EBNA1BP2: variants seen among roughly 807,000 people sequenced by gnomAD.
EBNA1BP2 encodes EBNA1 binding protein 2, also known as probable rRNA-processing protein EBP2.
A neutral mutation model predicts 43.5 loss-of-function variants in EBNA1BP2; 36 were observed. The ratio of observed to expected loss-of-function variants is 0.83; its 90% confidence interval spans 0.63 to 1.09. The LOEUF (loss-of-function observed/expected upper bound fraction) is 1.09. Ranked by LOEUF, EBNA1BP2 falls within the 50% of genes least tolerant of loss-of-function variation. The pLI, the probability that EBNA1BP2 is intolerant of heterozygous loss-of-function variation, is 0.00. For synonymous variants in EBNA1BP2, 127 were observed against 141.3 expected (o/e 0.90, Z 0.72); for missense variants, 332 against 379.1 (o/e 0.88, Z 1.03).
At position 43,164,805 on chromosome 1, in the gene EBNA1BP2, C is replaced by T. The variant is rs776100286; in HGVS notation, c.708G>A (p.Gly236=). ...AGAKGQQMRK[G]PSAKRRYKNQ... is the part of the protein sequence containing the mutation. ...TTTTATACCGTCGTTTAGCACTGGG[C>T]CTGGAAAAGAATGGTCCTAGACATC... The change falls in exon 8 of 9, where the codon GGG becomes GGA. Residue 236 remains glycine, a splice_region_variant and synonymous_variant. Transcript: ENST00000236051. The T allele has an allele frequency of 4.3e-6, 7 of 1,614,002 alleles. No homozygotes were observed. Among genetic ancestry groups the T allele is most frequent in the Non-Finnish European group, 5.1e-6 (6 of 1,179,920 alleles).
Position 43,164,228 on chromosome 1 carries a change from C to A in EBNA1BP2, c.*215G>T. Reference sequence around the variant, plus strand: ...TCATAAAATGAAGGCAATTTGAACTCAATGTCTAAATTATCAATAGATAGC... The same window carrying A: ...TCATAAAATGAAGGCAATTTGAACTAAATGTCTAAATTATCAATAGATAGC... On this transcript the variant is annotated 3_prime_UTR_variant, in exon 9 of 9. Coordinates refer to ENST00000236051, the MANE Select transcript of EBNA1BP2 (RefSeq NM_006824.3). 1 of 581,612 alleles carries A rather than the reference C, an allele frequency of 1.7e-6. No homozygotes were observed. The highest frequency in any genetic ancestry group is 2.2e-5 in the South Asian group (1 of 45,302). The allele number at this position is 581,612 out of a possible 1,614,324, so 36.0% of individuals were successfully genotyped here.
At position 43,172,103 on chromosome 1, in the gene EBNA1BP2, G is replaced by C. The variant is rs1222531187; in HGVS notation, c.16C>G (p.Leu6Val). Reference protein sequence around the residue: MDTPPLSDSESESDES... With the variant: MDTPPVSDSESESDES... ...TCGGATTCCGACTCCGAATCCGAGAGCGGGGGAGTGTCCATCTCGCCGCAC... is the reference window on the plus strand; with the variant it reads ...TCGGATTCCGACTCCGAATCCGAGACCGGGGGAGTGTCCATCTCGCCGCAC... Residue 6 changes from leucine (L) to valine (V), a missense_variant, in exon 1 of 9, where the codon CTC becomes GTC. Transcript: ENST00000236051. 3 of 1,614,050 alleles carry C rather than the reference G, an allele frequency of 1.9e-6. No homozygotes were observed. The highest frequency in any genetic ancestry group is 2.7e-5 in the African/African-American group (2 of 74,932).
chr1:43,168,880 G>A (rs1644935148), intron 5 of EBNA1BP2, 59 bp downstream of exon 5: 1 of 1,553,812 alleles, frequency 6.4e-7, no homozygotes, highest in Non-Finnish European at 8.9e-7. Flanking sequence ...TCAGACCACG[G>A]CAATCTCATC....
intron 2 of EBNA1BP2, 53 bp from the exon 3 acceptor site, chr1:43,171,704 C>T: frequency 6.3e-7 from 1 of 1,598,004 alleles, no homozygotes; most frequent in Non-Finnish European, 8.5e-7. Flanking sequence ...GTTTGTCTTT[C>T]CCAAGCACAG....
At chr1:43,164,885 C>T (rs1239132448) in intron 7 of EBNA1BP2, 80 bp from the exon 8 acceptor site, 4 of 1,554,360 alleles carry the variant, frequency 2.6e-6, no homozygotes, top group East Asian at 4.5e-5. Context: ...CTCTCAGTTT[C>T]CTTTCTATAA....
upstream of EBNA1BP2, chr1:43,172,393 A>C: frequency 6.4e-7 from 1 of 1,551,482 alleles, no homozygotes; most frequent in Non-Finnish European, 8.7e-7. Context: ...GTTGCTTAGG[A>C]TCCCTACAGG....
rs146248095 is a variant in EBNA1BP2 at position 43,171,945 on chromosome 1, G to A, written c.91C>T (p.Leu31Phe). 1.2e-6 allele frequency: 2 copies of A among 1,614,176 alleles called. No homozygotes were observed. Among genetic ancestry groups the A allele is most frequent in the East Asian group, 2.2e-5 (1 of 44,868 alleles). Residue 31 changes from leucine to phenylalanine, a missense_variant, in exon 2 of 9, where the codon CTT becomes TTT. Leu to Phe is a conservative substitution (Grantham distance 22, BLOSUM62 0). Coordinates refer to ENST00000236051, the MANE Select transcript of EBNA1BP2 (RefSeq NM_006824.3). ...ACGACATTGAGGCCTGGCTTCAGAA[G>A]CCCTCGGGAAAACGCATCCTGCAAC... ...RELQDAFSRG[L>F]LKPGLNVVLE...
At chr1:43,168,141 C>T (rs556179415) in intron 5 of EBNA1BP2, among the ~76,000 whole-genome samples, 7 of 152,268 alleles carry the variant, frequency 4.6e-5, no homozygotes, top group Admixed American at 2.0e-4. Context: ...ATAATAAATC[C>T]GCAGCAGGCC....
In EBNA1BP2 at chr1:43,171,583, T is replaced by A; in HGVS notation, c.219A>T (p.Thr73=). ...DLEWVERLDV[T]LGPVPEIGGS... The stretch of plus-strand genomic sequence containing the variant: ...CACCGATCTCCGGTACCGGACCCAG[T>A]GTCACATCGAGCCTTTCAACCCATT... The change falls in exon 3 of 9, where the codon ACA becomes ACT. Residue 73 remains threonine, a synonymous_variant. Coordinates refer to ENST00000236051, the MANE Select transcript of EBNA1BP2 (RefSeq NM_006824.3). 6.2e-7 allele frequency: 1 copy of A among 1,614,212 alleles called. No individual in the cohort carries two copies. Among genetic ancestry groups the A allele is most frequent in the Non-Finnish European group, 8.5e-7 (1 of 1,180,032 alleles).
At position 43,171,603 on chromosome 1, in the gene EBNA1BP2, C is replaced by T. The variant is rs1644972918; in HGVS notation, c.199G>A (p.Val67Ile). The T allele has an allele frequency of 6.2e-7, 1 of 1,614,196 alleles. No homozygotes were observed. The highest frequency in any genetic ancestry group is 8.5e-7 in the Non-Finnish European group (1 of 1,180,044). ...CCCAGTGTCACATCGAGCCTTTCAA[C>T]CCATTCCAGATCCCGCTTGAATTCT... ...LAEFKRDLEWVERLDVTLGPV... is the reference protein window; with the variant it reads ...LAEFKRDLEWIERLDVTLGPV... Residue 67 changes from valine (V) to isoleucine (I), a missense_variant, in exon 3 of 9, where the codon GTT becomes ATT. This residue lies in a region of EBNA1BP2 where 182 missense variants were observed against 173.7 expected (regional missense o/e 1.05). Transcript: ENST00000236051.
intron 5 of EBNA1BP2, among the ~76,000 whole-genome samples, chr1:43,167,731 G>C (rs966662004): frequency 2.6e-5 from 4 of 152,180 alleles, no homozygotes; most frequent in African/African-American, 9.7e-5. Flanking sequence ...AAAGAAAAAA[G>C]TTTGAAGGAT....
In EBNA1BP2 at chr1:43,170,808, C is replaced by T. The variant is rs753036173; in HGVS notation, c.395G>A (p.Arg132Gln). The T allele has an allele frequency of 3.7e-6, 6 of 1,607,644 alleles. No homozygotes were observed. Among genetic ancestry groups the T allele is most frequent in the Non-Finnish European group, 2.5e-6 (3 of 1,177,412 alleles). The change falls in exon 4 of 9, where the codon CGA (arginine) becomes CAA (glutamine). Residue 132 changes from arginine to glutamine, a missense_variant. Physicochemically the swap from Arg to Gln is conservative, Grantham distance 43. Coordinates refer to ENST00000236051, the MANE Select transcript of EBNA1BP2 (RefSeq NM_006824.3). Reference protein sequence around the residue: ...RLHQLKVPTKRPTDYFAEMAK... With the variant: ...RLHQLKVPTKQPTDYFAEMAK... ...CATTTCCGCAAAATAATCAGTGGGT[C>T]GCTTCGTAGGGACTTTGAGCTGATG...
At position 43,167,140 on chromosome 1, in the gene EBNA1BP2, C is replaced by T. The variant is rs377457485; in HGVS notation, c.613+20G>A. On this transcript the variant is annotated intron_variant, in intron 6 of 8. Coordinates refer to ENST00000236051, the MANE Select transcript of EBNA1BP2 (RefSeq NM_006824.3). ...CTAAAGTACCTGCTACCCTCGTTCC[C>T]CTATTAGAGATGTACCAACCTTTCT... 23 of 1,609,870 alleles carry T rather than the reference C, an allele frequency of 1.4e-5. No individual in the cohort carries two copies. The African/African-American group carries it at 2.9e-4, about 21-fold the overall frequency.
rs1032972209 is a variant in EBNA1BP2, at chr1:43,170,839, G to A, written c.364C>T (p.Arg122Cys). 1.6e-5 allele frequency: 26 copies of A among 1,601,444 alleles called. No individual in the cohort carries two copies. The highest frequency in any genetic ancestry group is 1.1e-4 in the East Asian group (5 of 43,968). ...AQAAVLAVLP[R>C]LHQLKVPTKR... is the part of the protein sequence containing the mutation. ...GTAGGGACTTTGAGCTGATGGAGGC[G>A]GGGTAAGACTGCAAGCACTGCGGCC... The change falls in exon 4 of 9, where the codon CGC becomes TGC. Residue 122 changes from arginine to cysteine, a missense_variant. Physicochemically the swap from Arg to Cys is radical, Grantham distance 180. Coordinates refer to ENST00000236051, the MANE Select transcript of EBNA1BP2 (RefSeq NM_006824.3).
chr1:43,166,740 T>A (rs910546408), intron 7 of EBNA1BP2, 86 bp downstream of exon 7: 32 of 1,352,332 alleles, frequency 2.4e-5, no homozygotes, highest in Non-Finnish European at 3.3e-5. Context: ...GCTGCGCCGG[T>A]GGAGGTGCTA....
intron 4 of EBNA1BP2, 110 bp from the exon 5 acceptor site, chr1:43,169,138 T>G: frequency 8.5e-7 from 1 of 1,170,588 alleles, no homozygotes; most frequent in Non-Finnish European, 1.3e-6. Flanking sequence ...CTGCGGAACT[T>G]ATAAATCATC....
chr1:43,164,678 T>C lies in EBNA1BP2; in HGVS notation c.835A>G (p.Arg279Gly), dbSNP rs749618599. The change falls in exon 8 of 9, where the codon AGA (arginine) becomes GGA (glycine). Residue 279 changes from arginine (R) to glycine (G), a missense_variant. This residue lies in a region of EBNA1BP2 where 59 missense variants were observed against 53.3 expected (regional missense o/e 1.11). Transcript: ENST00000236051. Reference sequence around the variant, plus strand: ...TTCTTGCCAGGCCTCTTGAGGCCTCTGCCATGAGCTGTCTTGGCCCGGAAG... The same window carrying C: ...TTCTTGCCAGGCCTCTTGAGGCCTCCGCCATGAGCTGTCTTGGCCCGGAAG... The part of the protein sequence containing the change: ...SSFRAKTAHG[R>G]GLKRPGKKGS... 3 of 1,614,228 alleles carry C rather than the reference T, an allele frequency of 1.9e-6. No individual in the cohort carries two copies. Among genetic ancestry groups the C allele is most frequent in the Non-Finnish European group, 2.5e-6 (3 of 1,180,024 alleles).
intron 7 of EBNA1BP2, 145 bp from the exon 8 acceptor site, chr1:43,164,950 C>T: frequency 4.9e-6 from 5 of 1,015,888 alleles, no homozygotes; most frequent in Non-Finnish European, 7.1e-6. Flanking sequence ...GCCCCACAAT[C>T]CTATGCTACA....
At chr1:43,168,847 TC>T (rs746881906) in intron 5 of EBNA1BP2, 91 bp downstream of exon 5, 1 of 1,220,486 alleles carries the variant, frequency 8.2e-7, no homozygotes, top group Non-Finnish European at 1.2e-6. Context: ...AACACACAGT[TC>T]CGTTCAGTTC....
Sources: gnomAD v4.1 joint callset for allele counts (sites outside exome capture counted in the v4.1 genomes callset) on GRCh38, gnomAD v4.1.1 for gene constraint, gnomAD v4.1.1 regional missense constraint, MANE v1.5 for transcripts, NCBI Gene and HGNC (gene_info 2026-07-23, HGNC 2026-07-21) for gene names.